SLMAP: variants seen among roughly 807,000 people sequenced by gnomAD.
SLMAP encodes sarcolemmal membrane-associated protein.
Under a neutral mutation model 128.8 loss-of-function variants are expected in SLMAP, and 44 were observed. The ratio of observed to expected loss-of-function variants is 0.34; its 90% confidence interval spans 0.27 to 0.44. The LOEUF (loss-of-function observed/expected upper bound fraction) is 0.44, where lower values mean the gene tolerates loss of function less well. SLMAP is among the 20% of genes least tolerant of loss of function. SLMAP has a pLI of 1.00. For synonymous variants in SLMAP, 327 were observed against 348.8 expected, an observed-to-expected ratio of 0.94 and a Z score of 0.70; for missense variants, 787 against 985.3, an observed-to-expected ratio of 0.80 and a Z score of 2.69.
chr3:57,818,043 C>A (rs955449349), intron 2 of SLMAP, among the ~76,000 whole-genome samples: 1 of 152,104 alleles, frequency 6.6e-6, no homozygotes, highest in African/African-American at 2.4e-5. Context: ...TATAAAATTG[C>A]CAGATAAACA....
At chr3:57,926,710 G>C (rs1293740472) in intron 24 of SLMAP, among the ~76,000 whole-genome samples, 1 of 152,198 alleles carries the variant, frequency 6.6e-6, no homozygotes, top group Non-Finnish European at 1.5e-5. Flanking sequence ...TGATCATGTG[G>C]CTTTATTACA....
At chr3:57,870,758 A>T (rs2095462655) in intron 13 of SLMAP, among the ~76,000 whole-genome samples, 1 of 152,186 alleles carries the variant, frequency 6.6e-6, no homozygotes, top group South Asian at 2.1e-4. Context: ...CCTTTGACAG[A>T]TTCTAATGCT....
intron 5 of SLMAP, 50 bp from the exon 6 acceptor site, chr3:57,849,704 A>C (rs1460930587): frequency 1.0e-6 from 1 of 973,490 alleles, no homozygotes; most frequent in South Asian, 1.3e-5. Flanking sequence ...GTTTGTCTTT[A>C]ATGTTCTTTA....
At chr3:57,856,964 A>G (rs913459529) in intron 6 of SLMAP, among the ~76,000 whole-genome samples, 6 of 152,104 alleles carry the variant, frequency 3.9e-5, no homozygotes, top group Admixed American at 6.6e-5. Flanking sequence ...TATGCAGTCT[A>G]TAGTTGACTG....
chr3:57,777,941 T>A (rs1216564267), intron 2 of SLMAP, among the ~76,000 whole-genome samples: 1 of 152,270 alleles, frequency 6.6e-6, no homozygotes, highest in African/African-American at 2.4e-5. Flanking sequence ...GATTTTTGAA[T>A]GTTAAGCCAA....
At chr3:57,846,221 A>AT (rs1447466001) in intron 4 of SLMAP, among the ~76,000 whole-genome samples, 1 of 152,182 alleles carries the variant, frequency 6.6e-6, no homozygotes, top group East Asian at 1.9e-4. Context: ...GTAGAGCTAG[A>AT]TTTTGGACCC....
intron 23 of SLMAP, among the ~76,000 whole-genome samples, chr3:57,923,262 A>G (rs1315134756): frequency 1.3e-5 from 2 of 152,234 alleles, no homozygotes; most frequent in Non-Finnish European, 2.9e-5. Flanking sequence ...CTTGTTTGCA[A>G]TAAAGCAGCT....
At chr3:57,820,971 AT>A (rs1277997861) in intron 2 of SLMAP, among the ~76,000 whole-genome samples, 7 of 152,228 alleles carry the variant, frequency 4.6e-5, no homozygotes, top group African/African-American at 1.4e-4. Flanking sequence ...TGACAGGTAT[AT>A]AGAGGCTTTC....
chr3:57,847,221 T>C lies in SLMAP; in HGVS notation c.444T>C (p.Ser148=), dbSNP rs374969209. Residue 148 remains serine (S), a synonymous_variant, in exon 5 of 25, where the codon AGT becomes AGC. Transcript: ENST00000671191. ...GTGTCATCCATGCACCATTACCAAGTCCTGTTGACAAAGTAAGTTGCTAAT... is the reference window on the plus strand; with the variant it reads ...GTGTCATCCATGCACCATTACCAAGCCCTGTTGACAAAGTAAGTTGCTAAT... The part of the protein sequence containing the change: ...RSDVIHAPLP[S]PVDKVAANTP... 4 of 1,609,928 alleles carry C rather than the reference T, an allele frequency of 2.5e-6. No individual in the cohort carries two copies. The highest frequency in any genetic ancestry group is 1.7e-6 in the Non-Finnish European group (2 of 1,177,404).
rs141332849 is a variant in SLMAP at position 57,831,715 on chromosome 3, G to A, written c.346+185G>A. On this transcript the variant is annotated intron_variant, in intron 3 of 24. Coordinates refer to ENST00000671191, the MANE Select transcript of SLMAP (RefSeq NM_001377540.1). ...CTCTTCTAAAATTTTAAATTCTGAA[G>A]TGTTATTTAGTAGTTTATATTCTTC... 1.7e-3 allele frequency among the ~76,000 whole-genome samples: 264 copies of A among 152,218 alleles called. 1 individual carries two copies. Among genetic ancestry groups the A allele is most frequent in the African/African-American group, 6.1e-3 (253 of 41,516 alleles).
At chr3:57,905,751 A>G (rs2096519095) in intron 17 of SLMAP, among the ~76,000 whole-genome samples, 1 of 152,194 alleles carries the variant, frequency 6.6e-6, no homozygotes, top group Admixed American at 6.5e-5. Context: ...ACCTGTGTAT[A>G]AAATTTTTTT....
intron 21 of SLMAP, among the ~76,000 whole-genome samples, chr3:57,914,244 A>G (rs1019227906): frequency 6.6e-6 from 1 of 151,934 alleles, no homozygotes; most frequent in Admixed American, 6.6e-5. Context: ...ACATCTCTAC[A>G]AAAAATACAA....
intron 14 of SLMAP, among the ~76,000 whole-genome samples, chr3:57,873,482 G>A (rs541959154): frequency 1.3e-5 from 2 of 151,996 alleles, no homozygotes; most frequent in Non-Finnish European, 2.9e-5. Context: ...CAGCCTAGGC[G>A]ACAGAGTGAG....
intron 6 of SLMAP, among the ~76,000 whole-genome samples, chr3:57,852,375 T>C (rs907753162): frequency 3.3e-5 from 5 of 152,246 alleles, no homozygotes; most frequent in Non-Finnish European, 7.3e-5. Context: ...TGGATTTTAA[T>C]AGAGTATTTA....
rs191994275 is a variant in SLMAP, at chr3:57,853,786, A to T, written c.520-3947A>T. Among the ~76,000 whole-genome samples the T allele has an allele frequency of 2.2e-3, 326 of 150,886 alleles. 1 individual carries two copies. The highest frequency in any genetic ancestry group is 7.7e-3 in the African/African-American group (316 of 41,052). On this transcript the variant is annotated intron_variant, in intron 6 of 24. Transcript: ENST00000671191. ...AGAAACCCCCGTCTCTACTAAAAAT[A>T]CAAAACCAGCTGGGCGTGGTGGCGC... is the stretch of plus-strand genomic sequence containing the variant.
chr3:57,890,308 G>C, intron 15 of SLMAP: 1 of 453,138 alleles, frequency 2.2e-6, no homozygotes. Context: ...TTTTTAAGTG[G>C]ATGTATATTT....
chr3:57,769,155 A>G (rs1299064566), intron 2 of SLMAP, among the ~76,000 whole-genome samples: 1 of 152,034 alleles, frequency 6.6e-6, no homozygotes, highest in African/African-American at 2.4e-5. Flanking sequence ...TGGCAATTGT[A>G]TGGTGTTTGA....
chr3:57,793,629 G>C (rs1053802543), intron 2 of SLMAP, among the ~76,000 whole-genome samples: 5 of 152,112 alleles, frequency 3.3e-5, no homozygotes, highest in Non-Finnish European at 7.4e-5. Flanking sequence ...TACATTTCCA[G>C]AGTATTCTGG....
chr3:57,828,102 C>A (rs537618336), intron 2 of SLMAP, among the ~76,000 whole-genome samples: 1 of 152,158 alleles, frequency 6.6e-6, no homozygotes, highest in East Asian at 1.9e-4. Context: ...GGATAACAGG[C>A]GTGCACCACC....
Sources: gnomAD v4.1 joint callset for allele counts (sites outside exome capture counted in the v4.1 genomes callset) on GRCh38, gnomAD v4.1.1 for gene constraint, MANE v1.5 for transcripts, NCBI Gene and HGNC (gene_info 2026-07-23, HGNC 2026-07-21) for gene names.